RABGAP1L: variants seen among roughly 807,000 people sequenced by gnomAD.
The protein encoded by RABGAP1L is RAB GTPase activating protein 1 like.
Under a neutral mutation model 137.7 loss-of-function variants are expected in RABGAP1L, and 63 were observed. That is an observed-to-expected ratio of 0.46 (90% CI 0.37 to 0.56). The LOEUF (loss-of-function observed/expected upper bound fraction) is 0.56, where lower values mean the gene tolerates loss of function less well. Among genes scored for constraint, RABGAP1L ranks in the 20% least tolerant of loss-of-function variants. RABGAP1L has a pLI of 0.00. For synonymous variants in RABGAP1L, 431 were observed against 433.7 expected (o/e 0.99, Z 0.08); for missense variants, 1,095 against 1,244.0 (o/e 0.88, Z 1.80).
intron 14 of RABGAP1L, among the ~76,000 whole-genome samples, chr1:174,645,919 A>G (rs916206191): frequency 3.3e-5 from 5 of 152,204 alleles, no homozygotes; most frequent in African/African-American, 1.2e-4. Flanking sequence ...GTGAGATGGT[A>G]TCTCATTGTG....
At chr1:174,192,806 C>A (rs939214679) in intron 1 of RABGAP1L, among the ~76,000 whole-genome samples, 1 of 152,108 alleles carries the variant, frequency 6.6e-6, no homozygotes, top group Admixed American at 6.6e-5. Context: ...TTGCCAGAGT[C>A]CCTTCACATA....
chr1:174,650,045 T>G lies in RABGAP1L; in HGVS notation c.1824+12557T>G, dbSNP rs546469173. 5.9e-5 allele frequency among the ~76,000 whole-genome samples: 9 copies of G among 152,118 alleles called. No homozygotes were observed. The South Asian group carries it at 1.4e-3, about 25-fold the overall frequency. On this transcript the variant is annotated intron_variant, in intron 14 of 25. Transcript: ENST00000681986. ...TTTATTGAGAGTTTTTAGCATGAAG[T>G]GTTGTTGAATTTTGTCAAAGGCCTT... is the stretch of plus-strand genomic sequence containing the variant.
At chr1:174,839,028 C>CGTGTGTGTGTGTGTGTGT (rs71726767) in intron 19 of RABGAP1L, among the ~76,000 whole-genome samples, 30 of 130,104 alleles carry the variant, frequency 2.3e-4, no homozygotes, top group African/African-American at 6.3e-4. Context: ...AACTTTTTTA[C>CGTGTGTGTGTGTGTGTGT]GTGTGTGTGT....
intron 13 of RABGAP1L, among the ~76,000 whole-genome samples, chr1:174,494,918 C>T (rs1243379664): frequency 6.6e-6 from 1 of 152,124 alleles, no homozygotes. Flanking sequence ...AAGTCTTTGC[C>T]AAGTCCTGCC....
intron 13 of RABGAP1L, among the ~76,000 whole-genome samples, chr1:174,465,501 ATTGAGCGTC>A (rs1657196737): frequency 1.3e-5 from 2 of 152,178 alleles, no homozygotes; most frequent in African/African-American, 4.8e-5. Context: ...TGCCCGGCCT[ATTGAGCGTC>A]TTTTGTGTGC....
intron 19 of RABGAP1L, among the ~76,000 whole-genome samples, chr1:174,920,511 G>A (rs1661618037): frequency 6.6e-6 from 1 of 152,194 alleles, no homozygotes; most frequent in Admixed American, 6.5e-5. Context: ...GATGAGACTT[G>A]GATGGGGATG....
At chr1:174,262,095 C>T (rs963844872) in intron 7 of RABGAP1L, among the ~76,000 whole-genome samples, 1 of 152,130 alleles carries the variant, frequency 6.6e-6, no homozygotes, top group Non-Finnish European at 1.5e-5. Context: ...TACAAAAGTA[C>T]TTTCATTATT....
chr1:174,757,976 T>C (rs909744011), intron 18 of RABGAP1L, among the ~76,000 whole-genome samples: 3 of 151,144 alleles, frequency 2.0e-5, no homozygotes. Flanking sequence ...TGAGCCAAGA[T>C]TGCACCATTG....
At chr1:174,422,437 T>A (rs1226849275) in intron 13 of RABGAP1L, among the ~76,000 whole-genome samples, 2 of 152,028 alleles carry the variant, frequency 1.3e-5, no homozygotes, top group Non-Finnish European at 2.9e-5. Context: ...AAATAAAATT[T>A]ATAATAATAA....
intron 13 of RABGAP1L, among the ~76,000 whole-genome samples, chr1:174,590,342 T>A (rs577506791): frequency 4.4e-5 from 6 of 136,272 alleles, no homozygotes; most frequent in African/African-American, 1.6e-4. Context: ...TTTTCTTTTT[T>A]TTTTTATTTA....
intron 19 of RABGAP1L, among the ~76,000 whole-genome samples, chr1:174,843,493 T>C (rs1201040636): frequency 1.4e-5 from 2 of 148,052 alleles, no homozygotes; most frequent in Non-Finnish European, 3.0e-5. Context: ...TTTTTTGTTC[T>C]TGCGATAGTT....
chr1:174,550,991 T>TAC (rs1558334361), intron 13 of RABGAP1L, among the ~76,000 whole-genome samples: 8 of 93,860 alleles, frequency 8.5e-5, no homozygotes, highest in African/African-American at 5.4e-4. Context: ...TACATATATA[T>TAC]ATATACACAT....
chr1:174,252,367 A>C, intron 6 of RABGAP1L, 113 bp from the exon 7 acceptor site: 1 of 1,282,308 alleles, frequency 7.8e-7, no homozygotes, highest in East Asian at 2.7e-5. Flanking sequence ...GTATATCTTA[A>C]GAATAAGGGT....
chr1:174,977,992 G>A (rs947815304), intron 22 of RABGAP1L, among the ~76,000 whole-genome samples: 6 of 152,134 alleles, frequency 3.9e-5, no homozygotes, highest in Non-Finnish European at 7.4e-5. Context: ...AGTGCAGAAC[G>A]CATCTCTTTA....
At chr1:174,635,190 C>T (rs537339330) in intron 13 of RABGAP1L, among the ~76,000 whole-genome samples, 1 of 152,174 alleles carries the variant, frequency 6.6e-6, no homozygotes, top group East Asian at 1.9e-4. Context: ...CAGCATAATG[C>T]TAAATGCATA....
chr1:174,659,609 C>T (rs1676222958), intron 14 of RABGAP1L, among the ~76,000 whole-genome samples: 2 of 152,194 alleles, frequency 1.3e-5, no homozygotes, highest in African/African-American at 4.8e-5. Flanking sequence ...TTGGTAGCCT[C>T]ATTCAGTCTC....
At chr1:174,953,868 T>G (rs1668103958) in intron 19 of RABGAP1L, among the ~76,000 whole-genome samples, 1 of 152,162 alleles carries the variant, frequency 6.6e-6, no homozygotes, top group Non-Finnish European at 1.5e-5. Flanking sequence ...AGGCAGCTGT[T>G]CTGTAACCCT....
intron 10 of RABGAP1L, among the ~76,000 whole-genome samples, chr1:174,281,022 T>C (rs923404395): frequency 6.6e-6 from 1 of 152,120 alleles, no homozygotes. Flanking sequence ...TCTGGAGTTG[T>C]TTGATCCTCC....
chr1:174,655,000 T>C (rs779417566), intron 14 of RABGAP1L, among the ~76,000 whole-genome samples: 2 of 152,182 alleles, frequency 1.3e-5, no homozygotes, highest in Non-Finnish European at 2.9e-5. Context: ...AATTTATATA[T>C]ACATATATTT....
Sources: gnomAD v4.1 joint callset for allele counts (sites outside exome capture counted in the v4.1 genomes callset) on GRCh38, gnomAD v4.1.1 for gene constraint, MANE v1.5 for transcripts, NCBI Gene and HGNC (gene_info 2026-07-23, HGNC 2026-07-21) for gene names.